Variants in RANBP3 observed in about 807,000 individuals in gnomAD.
The protein encoded by RANBP3 is ran-binding protein 3.
A neutral mutation model predicts 77.3 loss-of-function variants in RANBP3; 14 were observed. The observed-to-expected ratio is 0.18, with a 90% CI of 0.12 to 0.28. The LOEUF is 0.28. RANBP3 is among the 10% of genes least tolerant of loss of function. RANBP3 has a pLI of 1.00. For synonymous variants in RANBP3, 315 were observed against 312.4 expected (o/e 1.01, Z -0.09); for missense variants, 586 against 752.3 (o/e 0.78, Z 2.59).
chr19:5,932,649 G>T, intron 6 of RANBP3, 105 bp from the exon 7 acceptor site: 1 of 825,354 alleles, frequency 1.2e-6, no homozygotes, highest in Non-Finnish European at 2.0e-6. Context: ...TTGCAGGCTA[G>T]ACTTTGCAGG....
At position 5,928,103 on chromosome 19, in the gene RANBP3, A is replaced by G; in HGVS notation, c.694-16T>C. On this transcript the variant is annotated splice_polypyrimidine_tract_variant and intron_variant, in intron 8 of 16. Transcript: ENST00000340578. ...GCTCTTTCTCCTATCAAAAACCAAA[A>G]CAAAACAGAGTAATCAAAACCAGTG... The G allele has an allele frequency of 6.2e-7, 1 of 1,605,670 alleles. No individual in the cohort carries two copies.
chr19:5,958,071 G>T lies in RANBP3; in HGVS notation c.23-98C>A, dbSNP rs765048899. 18 of 1,081,274 alleles carry T rather than the reference G, an allele frequency of 1.7e-5. No homozygotes were observed. Among genetic ancestry groups the T allele is most frequent in the Non-Finnish European group, 2.5e-5 (18 of 721,838 alleles). The allele number at this position is 1,081,274 out of a possible 1,614,324, so 67.0% of individuals were successfully genotyped here. ...TAATATGTTAAACATATATATAAAT[G>T]AAACTAGTAACTCCAGAGAACATCA... On this transcript the variant is annotated intron_variant, in intron 1 of 16. Transcript: ENST00000340578. The surrounding 1 kb of genome is among the most constrained non-coding windows in gnomAD (Gnocchi z 4.4).
chr19:5,937,710 T>C (rs549939435), intron 5 of RANBP3, among the ~76,000 whole-genome samples: 72 of 152,322 alleles, frequency 4.7e-4, no homozygotes, highest in African/African-American at 1.5e-3. Context: ...TGCCTTTTCA[T>C]GCGTGAGGGC....
chr19:5,928,044 T>C lies in RANBP3; in HGVS notation c.737A>G (p.Glu246Gly). The C allele has an allele frequency of 3.1e-6, 5 of 1,613,932 alleles. No homozygotes were observed. Among genetic ancestry groups the C allele is most frequent in the Non-Finnish European group, 3.4e-6 (4 of 1,179,944 alleles). Reference sequence around the variant, plus strand: ...GGGGTCTTTTTTCTCACAGGCTTCCTCTTCAGAGGCATTGCTGGACTCATT... The same window carrying C: ...GGGGTCTTTTTTCTCACAGGCTTCCCCTTCAGAGGCATTGCTGGACTCATT... The part of the protein sequence containing the change: ...QKNESSNASE[E>G]EACEKKDPAT... Residue 246 changes from glutamate (E) to glycine (G), a missense_variant, in exon 9 of 17, where the codon GAG becomes GGG. Glu to Gly is a moderately conservative substitution (Grantham distance 98). Transcript: ENST00000340578.
At chr19:5,977,487 G>A (rs955524111) in intron 1 of RANBP3, among the ~76,000 whole-genome samples, 1 of 152,140 alleles carries the variant, frequency 6.6e-6, no homozygotes, top group Non-Finnish European at 1.5e-5. Flanking sequence ...CGCCCCGAAG[G>A]ATCCGGGGGG....
intron 5 of RANBP3, among the ~76,000 whole-genome samples, chr19:5,937,234 A>C (rs2058079178): frequency 6.6e-6 from 1 of 152,090 alleles, no homozygotes; most frequent in African/African-American, 2.4e-5. Flanking sequence ...CAAAGGGGAA[A>C]GTAGCTTTAC....
chr19:5,956,014 G>A (rs1046864363), intron 2 of RANBP3, among the ~76,000 whole-genome samples: 5 of 152,030 alleles, frequency 3.3e-5, no homozygotes, highest in Non-Finnish European at 4.4e-5. Flanking sequence ...AGGCTGAGGC[G>A]GGAGATTGCT....
intron 1 of RANBP3, among the ~76,000 whole-genome samples, chr19:5,960,351 A>G (rs1468734372): frequency 6.6e-6 from 1 of 152,188 alleles, no homozygotes; most frequent in Non-Finnish European, 1.5e-5. Flanking sequence ...AATTACACAC[A>G]TGCTGCACTC....
chr19:5,974,051 T>G (rs1426018351), intron 1 of RANBP3, among the ~76,000 whole-genome samples: 1 of 152,146 alleles, frequency 6.6e-6, no homozygotes, highest in Non-Finnish European at 1.5e-5. Flanking sequence ...CCCCAGGGGC[T>G]GTGTCAGGAG....
At chr19:5,936,851 G>T (rs1382492176) in intron 5 of RANBP3, among the ~76,000 whole-genome samples, 2 of 151,820 alleles carry the variant, frequency 1.3e-5, no homozygotes, top group Admixed American at 1.3e-4. Context: ...TGGGGAGAAG[G>T]GCAAGCTCCT....
intron 3 of RANBP3, among the ~76,000 whole-genome samples, chr19:5,946,437 C>T (rs2058205996): frequency 6.6e-6 from 1 of 152,218 alleles, no homozygotes; most frequent in African/African-American, 2.4e-5. Context: ...CAAATATCTT[C>T]TAAGAGCCTG....
chr19:5,959,306 G>A lies in RANBP3; in HGVS notation c.23-1333C>T, dbSNP rs937702462. On this transcript the variant is annotated intron_variant, in intron 1 of 16. Transcript: ENST00000340578. The surrounding 1 kb of genome is among the most constrained non-coding windows in gnomAD (Gnocchi z 5.1). Reference sequence around the variant, plus strand: ...GAGTGGCTGTGGGGAGACCAGGTGGGTAGTGACTGAGGTGGAGAGAAAGGG... The same window carrying A: ...GAGTGGCTGTGGGGAGACCAGGTGGATAGTGACTGAGGTGGAGAGAAAGGG... 9.9e-5 allele frequency among the ~76,000 whole-genome samples: 15 copies of A among 152,096 alleles called. No homozygotes were observed. The highest frequency in any genetic ancestry group is 3.6e-4 in the African/African-American group (15 of 41,402).
chr19:5,964,869 C>CGGGGGAGG (rs2058447772), intron 1 of RANBP3, among the ~76,000 whole-genome samples: 1 of 33,140 alleles, frequency 3.0e-5, no homozygotes, highest in Non-Finnish European at 7.1e-5. Flanking sequence ...GGGGGTGGCA[C>CGGGGGAGG]GGTGGGGGGT....
chr19:5,927,212 G>A (rs1027733784), intron 9 of RANBP3, among the ~76,000 whole-genome samples: 2 of 152,136 alleles, frequency 1.3e-5, no homozygotes, highest in Admixed American at 6.5e-5. Context: ...GGTCTTCCTA[G>A]AGTCCCAGTG....
intron 3 of RANBP3, among the ~76,000 whole-genome samples, chr19:5,942,811 G>A (rs2058156174): frequency 1.3e-5 from 2 of 152,100 alleles, no homozygotes; most frequent in African/African-American, 2.4e-5. Flanking sequence ...CTTGAGCCCA[G>A]GAGTTTGAGA....
In RANBP3 at chr19:5,931,493, C is replaced by G. The variant is rs371331693; in HGVS notation, c.604G>C (p.Asp202His). Residue 202 changes from aspartate (D) to histidine (H), a missense_variant, in exon 8 of 17, where the codon GAC (aspartate) becomes CAC (histidine). By Grantham distance (81) the Asp-to-His change is moderately conservative. This residue lies in a region of RANBP3 where 232 missense variants were observed against 271.7 expected (regional missense o/e 0.85). Transcript: ENST00000340578. ...SGTNGVSLPA[D>H]CTGAVPAASP... is the part of the protein sequence containing the mutation. ...GCTGCGGGCACTGCCCCCGTGCAGT[C>G]TGCTGGGAGGCTGACCCCGTTGGTG... 5.0e-6 allele frequency: 8 copies of G among 1,612,412 alleles called. No individual in the cohort carries two copies. The highest frequency in any genetic ancestry group is 6.8e-6 in the Non-Finnish European group (8 of 1,179,314).
chr19:5,937,099 T>TG (rs2058076696), intron 5 of RANBP3, among the ~76,000 whole-genome samples: 2 of 95,656 alleles, frequency 2.1e-5, no homozygotes, highest in South Asian at 7.4e-4. Flanking sequence ...GAAAATCCCA[T>TG]GGGGCAGTCG....
In RANBP3 at chr19:5,935,412, G is replaced by A. The variant is rs567654320; in HGVS notation, c.407-1933C>T. Among the ~76,000 whole-genome samples the A allele has an allele frequency of 5.9e-5, 9 of 152,356 alleles. 1 individual carries two copies. Among genetic ancestry groups the A allele is most frequent in the East Asian group, 1.9e-4 (1 of 5,184 alleles). On this transcript the variant is annotated intron_variant, in intron 5 of 16. Coordinates refer to ENST00000340578, the MANE Select transcript of RANBP3 (RefSeq NM_007322.3). ...GTGAGCCGCCAGATGTTCCTTTTCC[G>A]AAGGAAACACTCAATTACATTTCCA...
intron 5 of RANBP3, among the ~76,000 whole-genome samples, chr19:5,941,322 C>T (rs764920735): frequency 6.6e-5 from 10 of 152,100 alleles, no homozygotes; most frequent in Non-Finnish European, 1.2e-4. Context: ...CAGGCAGAGG[C>T]CCCAACAGGG....
Sources: allele counts gnomAD v4.1 joint callset (sites outside exome capture counted in the v4.1 genomes callset), GRCh38; gene constraint gnomAD v4.1.1; regional missense constraint gnomAD v4.1.1; non-coding constraint Gnocchi (gnomAD v3.1); transcripts MANE v1.5; gene names NCBI Gene and HGNC (gene_info 2026-07-23, HGNC 2026-07-21).